IL5RA: variants seen among roughly 807,000 people sequenced by gnomAD.
IL5RA encodes the protein interleukin 5 receptor subunit alpha, also known as interleukin-5 receptor subunit alpha.
In IL5RA, 49 loss-of-function variants were observed where a neutral mutation model predicts 50.0. The ratio of observed to expected loss-of-function variants is 0.98; its 90% confidence interval spans 0.78 to 1.24. The LOEUF is 1.24. Among genes scored for constraint, IL5RA ranks in the 50% most tolerant of loss-of-function variants. IL5RA has a pLI of 0.00. For synonymous variants in IL5RA, 202 were observed against 174.0 expected (o/e 1.16, Z -1.26); for missense variants, 600 against 500.4 (o/e 1.20, Z -1.90).
chr3:3,101,199 A>C (rs929005243), intron 5 of IL5RA, among the ~76,000 whole-genome samples: 1 of 150,200 alleles, frequency 6.7e-6, no homozygotes. Flanking sequence ...AAAAAAAGTA[A>C]ATGAGAAGAT....
intron 9 of IL5RA, among the ~76,000 whole-genome samples, chr3:3,085,714 T>C (rs1055585784): frequency 3.3e-5 from 5 of 152,182 alleles, no homozygotes; most frequent in African/African-American, 4.8e-5. Context: ...GTGGCCTTCC[T>C]TCCAGCCCAT....
chr3:3,110,106 C>A lies in IL5RA; in HGVS notation c.-307G>T, dbSNP rs1704112893. 6.6e-6 allele frequency: 1 copy of A among 152,160 alleles called. No individual in the cohort carries two copies. Among genetic ancestry groups the A allele is most frequent in the African/African-American group, 2.4e-5 (1 of 41,426 alleles). 9.4% of individuals were successfully genotyped at this position (152,160 alleles called of 1,614,324 possible). On this transcript the variant is annotated 5_prime_UTR_variant, in exon 1 of 12. Coordinates refer to ENST00000446632, the MANE Select transcript of IL5RA (RefSeq NM_175726.4). ...GGCAGCTTCCTTCATGATGGGATGG[C>A]AACACGTTTTCTCTAAGCAAATATG...
chr3:3,094,078 T>C (rs1703250015), intron 8 of IL5RA, among the ~76,000 whole-genome samples: 1 of 152,196 alleles, frequency 6.6e-6, no homozygotes, highest in Non-Finnish European at 1.5e-5. Flanking sequence ...CCTTTCCCCT[T>C]GAAATTTTTG....
intron 9 of IL5RA, among the ~76,000 whole-genome samples, chr3:3,078,605 G>T (rs527917713): frequency 1.9e-4 from 29 of 152,264 alleles, no homozygotes; most frequent in African/African-American, 6.7e-4. Context: ...AGGCTGAGGC[G>T]GGTGGATCAC....
Position 3,067,234 on chromosome 3 carries a change from T to G in IL5RA, c.*2991A>C, listed in dbSNP as rs191257520. On this transcript the variant is annotated 3_prime_UTR_variant, in exon 12 of 12. Transcript: ENST00000446632. Reference sequence around the variant, plus strand: ...CATCCAGGTTGCAGTAGCCCAGTTGTTAGGCACATGTGTCTCCTGGTTGCT... The same window carrying G: ...CATCCAGGTTGCAGTAGCCCAGTTGGTAGGCACATGTGTCTCCTGGTTGCT... 6.6e-6 allele frequency: 1 copy of G among 152,188 alleles called. No individual in the cohort carries two copies. The highest frequency in any genetic ancestry group is 1.5e-5 in the Non-Finnish European group (1 of 68,044). The allele number at this position is 152,188 out of a possible 1,614,324, so 9.4% of individuals were successfully genotyped here. A position where few individuals can be genotyped will look rare whatever the true frequency, so the allele number is the denominator to read the frequency against.
chr3:3,092,416 G>A lies in IL5RA; in HGVS notation c.856-54C>T, dbSNP rs1361040694. On this transcript the variant is annotated intron_variant, in intron 8 of 11. Coordinates refer to ENST00000446632, the MANE Select transcript of IL5RA (RefSeq NM_175726.4). The surrounding 1 kb of genome is among the most constrained non-coding windows in gnomAD (Gnocchi z 4.2). The stretch of plus-strand genomic sequence containing the variant: ...ATCTCTAGACACCTAATTTAGTTCT[G>A]CCGATTATCAGAATGGGAGGTCCTA... The A allele has an allele frequency of 1.3e-6, 2 of 1,556,612 alleles. No homozygotes were observed. Among genetic ancestry groups the A allele is most frequent in the Non-Finnish European group, 1.8e-6 (2 of 1,139,264 alleles).
intron 9 of IL5RA, among the ~76,000 whole-genome samples, chr3:3,088,418 G>T (rs1342592686): frequency 1.3e-5 from 2 of 152,190 alleles, no homozygotes; most frequent in Non-Finnish European, 2.9e-5. Flanking sequence ...AGTGGTGGCA[G>T]GAGATCACGA....
At chr3:3,085,116 C>G (rs1702804925) in intron 9 of IL5RA, among the ~76,000 whole-genome samples, 1 of 152,230 alleles carries the variant, frequency 6.6e-6, no homozygotes, top group Non-Finnish European at 1.5e-5. Context: ...AATGGTGGGG[C>G]TGCCAGGTGG....
intron 9 of IL5RA, among the ~76,000 whole-genome samples, chr3:3,083,532 A>C (rs559297933): frequency 6.6e-6 from 1 of 152,160 alleles, no homozygotes; most frequent in African/African-American, 2.4e-5. Context: ...GTAGGACTAG[A>C]CTTGATGAAG....
chr3:3,104,946 C>A lies in IL5RA; in HGVS notation c.39G>T (p.Gly13=). 6.2e-7 allele frequency: 1 copy of A among 1,612,902 alleles called. No homozygotes were observed. The highest frequency in any genetic ancestry group is 2.2e-5 in the East Asian group (1 of 44,840). ...AGTCAGCTTGCAGTATCTCAGTGGC[C>A]CCCAAAAGGATGAGTAATACATGCG... is the stretch of plus-strand genomic sequence containing the variant. ...IVAHVLLILL[G]ATEILQADLL... Residue 13 remains glycine, a synonymous_variant, in exon 3 of 12, where the codon GGG becomes GGT. Coordinates refer to ENST00000446632, the MANE Select transcript of IL5RA (RefSeq NM_175726.4).
intron 7 of IL5RA, among the ~76,000 whole-genome samples, chr3:3,096,870 G>A (rs1703390317): frequency 2.0e-5 from 3 of 152,108 alleles, no homozygotes; most frequent in Admixed American, 2.0e-4. Flanking sequence ...AAACCTTTAT[G>A]CCAGGCACTG....
intron 4 of IL5RA, among the ~76,000 whole-genome samples, chr3:3,102,259 C>T (rs1047816064): frequency 3.3e-5 from 5 of 152,150 alleles, no homozygotes; most frequent in African/African-American, 7.2e-5. Flanking sequence ...ATGACTTGTC[C>T]CAGGTTGCAA....
chr3:3,092,453 T>C lies in IL5RA; in HGVS notation c.856-91A>G, dbSNP rs1574995548. 1.7e-6 allele frequency: 2 copies of C among 1,172,624 alleles called. No homozygotes were observed. The highest frequency in any genetic ancestry group is 4.7e-5 in the East Asian group (2 of 42,634). The allele number at this position is 1,172,624 out of a possible 1,614,324, so 72.6% of individuals were successfully genotyped here. ...AATGGGAGGTCCTATATAGGTCATG[T>C]GACTCACTGTTCAGCAAGTCCTTTA... is the stretch of plus-strand genomic sequence containing the variant. On this transcript the variant is annotated intron_variant, in intron 8 of 11. Coordinates refer to ENST00000446632, the MANE Select transcript of IL5RA (RefSeq NM_175726.4). The surrounding 1 kb of genome is among the most constrained non-coding windows in gnomAD (Gnocchi z 4.2).
rs1399151526 is a variant in IL5RA, at chr3:3,067,621, G to C, written c.*2604C>G. ...TGCTTTTGAAGGCTTCATGGAGGAA[G>C]TGATGATGGTTACGGGTTCCCAAAG... is the stretch of plus-strand genomic sequence containing the variant. On this transcript the variant is annotated 3_prime_UTR_variant, in exon 12 of 12. Coordinates refer to ENST00000446632, the MANE Select transcript of IL5RA (RefSeq NM_175726.4). 1 of 152,324 alleles carries C rather than the reference G, an allele frequency of 6.6e-6. No homozygotes were observed. The highest frequency in any genetic ancestry group is 2.4e-5 in the African/African-American group (1 of 41,468). The allele number at this position is 152,324 out of a possible 1,614,324, so 9.4% of individuals were successfully genotyped here. A position where few individuals can be genotyped will look rare whatever the true frequency, so the allele number is the denominator to read the frequency against.
At chr3:3,101,068 A>C (rs1334577139) in intron 5 of IL5RA, among the ~76,000 whole-genome samples, 2 of 151,464 alleles carry the variant, frequency 1.3e-5, no homozygotes, top group African/African-American at 2.4e-5. Context: ...AATCCCAGCT[A>C]CTCGGGAGGC....
intron 9 of IL5RA, among the ~76,000 whole-genome samples, chr3:3,084,015 G>T (rs1702760362): frequency 6.9e-6 from 1 of 145,518 alleles, no homozygotes; most frequent in Non-Finnish European, 1.5e-5. Flanking sequence ...TTGTGTGACT[G>T]CCCTCCAGCC....
intron 11 of IL5RA, chr3:3,073,627 A>C (rs1702375222): frequency 3.3e-6 from 1 of 300,706 alleles, no homozygotes; most frequent in Admixed American, 4.8e-5. Flanking sequence ...ATACACTGAA[A>C]AATCACAAAC....
intron 1 of IL5RA, among the ~76,000 whole-genome samples, chr3:3,109,499 T>C (rs1316095687): frequency 6.6e-6 from 1 of 152,226 alleles, no homozygotes; most frequent in Non-Finnish European, 1.5e-5. Flanking sequence ...TGTTCTCATT[T>C]TAATTGCATA....
chr3:3,072,277 G>A (rs1439552798), intron 11 of IL5RA, among the ~76,000 whole-genome samples: 1 of 152,198 alleles, frequency 6.6e-6, no homozygotes, highest in Non-Finnish European at 1.5e-5. Flanking sequence ...CTCCCATTCT[G>A]TGTGCTCTTT....
Sources: gnomAD v4.1 joint callset for allele counts (sites outside exome capture counted in the v4.1 genomes callset) on GRCh38, gnomAD v4.1.1 for gene constraint, Gnocchi (gnomAD v3.1) non-coding constraint, MANE v1.5 for transcripts, NCBI Gene and HGNC (gene_info 2026-07-23, HGNC 2026-07-21) for gene names.